The following MUSK variants were observed in gnomAD, a reference collection of about 807,000 sequenced individuals.
MUSK encodes muscle associated receptor tyrosine kinase, also known as muscle, skeletal receptor tyrosine-protein kinase.
MUSK carries 55 observed loss-of-function variants against 88.7 expected under a neutral mutation model. The observed-to-expected ratio is 0.62, with a 90% CI of 0.50 to 0.78. The LOEUF (loss-of-function observed/expected upper bound fraction) is 0.78, where lower values mean the gene tolerates loss of function less well. Ranked by LOEUF, MUSK falls within the 30% of genes least tolerant of loss-of-function variation. The pLI, the probability that MUSK is intolerant of heterozygous loss-of-function variation, is 0.00. For missense variants in MUSK, 1,015 were observed against 1,074.3 expected, an observed-to-expected ratio of 0.94 and a Z score of 0.77; for synonymous variants, 387 against 391.9, an observed-to-expected ratio of 0.99 and a Z score of 0.15.
intron 1 of MUSK, among the ~76,000 whole-genome samples, chr9:110,679,623 C>A (rs979936571): frequency 2.7e-5 from 4 of 149,600 alleles, no homozygotes; most frequent in Non-Finnish European, 5.9e-5. Flanking sequence ...TTATTTATTC[C>A]TCCTCTTCTT....
intron 13 of MUSK, among the ~76,000 whole-genome samples, chr9:110,786,320 A>AC (rs560493205): frequency 2.0e-3 from 307 of 151,438 alleles, no homozygotes; most frequent in African/African-American, 7.1e-3. Flanking sequence ...CAAAAAAAAA[A>AC]AAAAAAAGAA....
chr9:110,728,960 G>A (rs187691709), intron 5 of MUSK, among the ~76,000 whole-genome samples: 38 of 151,940 alleles, frequency 2.5e-4, no homozygotes, highest in African/African-American at 9.2e-4. Context: ...TTTAAATTTG[G>A]TGTCTCTGGA....
At chr9:110,787,004 G>A (rs1456358984) in intron 13 of MUSK, among the ~76,000 whole-genome samples, 1 of 152,156 alleles carries the variant, frequency 6.6e-6, no homozygotes, top group Non-Finnish European at 1.5e-5. Context: ...GCTCAATGGA[G>A]GGTACAAAGA....
At chr9:110,753,593 G>A (rs902674525) in intron 7 of MUSK, among the ~76,000 whole-genome samples, 1 of 152,114 alleles carries the variant, frequency 6.6e-6, no homozygotes, top group Non-Finnish European at 1.5e-5. Flanking sequence ...ACAGGGACGA[G>A]CCTATGGTCA....
At chr9:110,693,042 A>T (rs78407858) in intron 3 of MUSK, among the ~76,000 whole-genome samples, 2,839 of 152,218 alleles carry the variant, frequency 0.019, 97 homozygotes, top group African/African-American at 0.064. Context: ...GTAGGTGGGG[A>T]TCTGCCTATA....
chr9:110,764,324 G>C (rs1187904389), intron 8 of MUSK, among the ~76,000 whole-genome samples: 1 of 152,166 alleles, frequency 6.6e-6, no homozygotes, highest in Non-Finnish European at 1.5e-5. Context: ...GACAACAGAA[G>C]ACACCAATGG....
rs1389708336 is a variant in MUSK, at chr9:110,687,181, G to A, written c.271G>A (p.Asp91Asn). The A allele has an allele frequency of 1.9e-6, 3 of 1,613,856 alleles. No homozygotes were observed. Among genetic ancestry groups the A allele is most frequent in the Non-Finnish European group, 1.7e-6 (2 of 1,179,808 alleles). ...GQLLTILSVE[D>N]SDDGIYCCTA... ...GCTCCTCACCATCCTGAGTGTGGAA[G>A]ACAGTGATGATGGCATTTACTGCTG... The change falls in exon 3 of 15, where the codon GAC (aspartate) becomes AAC (asparagine). Residue 91 changes from aspartate (D) to asparagine (N), a missense_variant. Physicochemically the swap from Asp to Asn is conservative, Grantham distance 23. Transcript: ENST00000374448.
In MUSK at chr9:110,804,565, A is replaced by G. The variant is rs1477424307; in HGVS notation, c.*3577A>G. On this transcript the variant is annotated 3_prime_UTR_variant, in exon 15 of 15. Transcript: ENST00000374448. ...TTATTTTGGCAATTGTCTACAGCCC[A>G]TTTTTCTGCTGTGTTCATTTTCTAA... Among the ~76,000 whole-genome samples the G allele has an allele frequency of 6.6e-6, 1 of 151,834 alleles. No homozygotes were observed. The highest frequency in any genetic ancestry group is 1.5e-5 in the Non-Finnish European group (1 of 67,860).
chr9:110,760,721 A>G (rs1271243002), intron 7 of MUSK, among the ~76,000 whole-genome samples: 1 of 152,216 alleles, frequency 6.6e-6, no homozygotes, highest in Non-Finnish European at 1.5e-5. Context: ...CCCCGAACCT[A>G]AAATCAAAGT....
chr9:110,726,935 A>G (rs1357786513), intron 5 of MUSK, among the ~76,000 whole-genome samples: 2 of 152,064 alleles, frequency 1.3e-5, no homozygotes, highest in Non-Finnish European at 2.9e-5. Context: ...GGGAATCTGC[A>G]GTTTCCTAAT....
chr9:110,686,884 G>C (rs1564214087), intron 2 of MUSK, among the ~76,000 whole-genome samples: 1 of 152,112 alleles, frequency 6.6e-6, no homozygotes, highest in Non-Finnish European at 1.5e-5. Flanking sequence ...ATCACCCTTT[G>C]AAAGCATTTT....
chr9:110,767,774 C>T (rs1287849005), intron 8 of MUSK, 46 bp from the exon 9 acceptor site: 1 of 1,610,378 alleles, frequency 6.2e-7, no homozygotes, highest in Admixed American at 1.7e-5. Flanking sequence ...GAATGAATGC[C>T]AAGAAATAGC....
At chr9:110,686,029 G>A (rs1304712573) in intron 2 of MUSK, among the ~76,000 whole-genome samples, 1 of 152,042 alleles carries the variant, frequency 6.6e-6, no homozygotes, top group Non-Finnish European at 1.5e-5. Flanking sequence ...CAACATAAAC[G>A]TACTATGTTA....
At chr9:110,760,609 A>G (rs1203245060) in intron 7 of MUSK, among the ~76,000 whole-genome samples, 1 of 152,140 alleles carries the variant, frequency 6.6e-6, no homozygotes, top group East Asian at 1.9e-4. Context: ...AAAAAATAGA[A>G]CAACTTTCGG....
chr9:110,723,511 T>G (rs2076843013), intron 5 of MUSK, among the ~76,000 whole-genome samples: 1 of 152,026 alleles, frequency 6.6e-6, no homozygotes, highest in African/African-American at 2.4e-5. Context: ...AGACTATATA[T>G]TACGTACAGT....
intron 5 of MUSK, among the ~76,000 whole-genome samples, chr9:110,710,403 A>G (rs1325443860): frequency 6.6e-6 from 1 of 152,194 alleles, no homozygotes; most frequent in African/African-American, 2.4e-5. Flanking sequence ...TAGCTCTTTG[A>G]TAAGTATTTG....
chr9:110,729,326 TA>T (rs34882321), intron 5 of MUSK, among the ~76,000 whole-genome samples: 40,932 of 97,594 alleles, frequency 0.42, 7,715 homozygotes, highest in East Asian at 0.5. Flanking sequence ...CTGTTTTCTG[TA>T]AAAAAAAAAA....
intron 3 of MUSK, among the ~76,000 whole-genome samples, chr9:110,690,755 T>C (rs1487028763): frequency 1.6e-5 from 1 of 63,442 alleles, no homozygotes. Context: ...AATATAAGTA[T>C]ATATATAAAT....
Position 110,776,057 on chromosome 9 carries a change from G to A in MUSK, c.1360+94G>A, listed in dbSNP as rs143245218. The A allele has an allele frequency of 2.9e-6, 4 of 1,392,106 alleles. No individual in the cohort carries two copies. In the East Asian group the frequency reaches 7.0e-5, roughly 24 times the overall value. 86.2% of individuals were successfully genotyped at this position (1,392,106 alleles called of 1,614,324 possible). On this transcript the variant is annotated intron_variant, in intron 10 of 14. Coordinates refer to ENST00000374448, the MANE Select transcript of MUSK (RefSeq NM_005592.4). ...GAACTTAAAGCTTCTAATATTTCTA[G>A]GCATTTCTAATTTTTTTTTTTTGAG...
Sources: allele counts gnomAD v4.1 joint callset (sites outside exome capture counted in the v4.1 genomes callset), GRCh38; gene constraint gnomAD v4.1.1; transcripts MANE v1.5; gene names NCBI Gene and HGNC (gene_info 2026-07-23, HGNC 2026-07-21).